Variants in EML1 observed in about 807,000 individuals in gnomAD.
EML1 encodes the protein EMAP like 1.
EML1 carries 27 observed loss-of-function variants against 110.4 expected under a neutral mutation model. The ratio of observed to expected loss-of-function variants is 0.24; its 90% CI spans 0.18 to 0.34. The LOEUF (loss-of-function observed/expected upper bound fraction) is 0.34, where lower values mean the gene tolerates loss of function less well. EML1 is among the 10% of genes least tolerant of loss of function. EML1 has a pLI of 1.00. For synonymous variants in EML1, 344 were observed against 385.8 expected, an observed-to-expected ratio of 0.89 and a Z score of 1.27; for missense variants, 741 against 1,030.9, an observed-to-expected ratio of 0.72 and a Z score of 3.85.
chr14:99,803,868 T>C (rs2057925198), intron 1 of EML1, among the ~76,000 whole-genome samples: 1 of 152,240 alleles, frequency 6.6e-6, no homozygotes. Context: ...CTGTGCACTT[T>C]AGCCCCAGCT....
At chr14:99,847,490 C>T (rs533683465) in intron 1 of EML1, among the ~76,000 whole-genome samples, 5 of 152,314 alleles carry the variant, frequency 3.3e-5, no homozygotes, top group African/African-American at 1.2e-4. Flanking sequence ...GCTAGGACTA[C>T]AGGCATATGC....
Position 99,896,999 on chromosome 14 carries a change from T to C in EML1, c.678-146T>C, listed in dbSNP as rs17652784. 344,806 of 644,632 alleles carry C rather than the reference T, an allele frequency of 0.53. 95,529 individuals carry two copies. The highest frequency in any genetic ancestry group is 0.79 in the African/African-American group (41,715 of 52,900). The allele number at this position is 644,632 out of a possible 1,614,324, so 39.9% of individuals were successfully genotyped here. On this transcript the variant is annotated intron_variant, in intron 6 of 21. Coordinates refer to ENST00000262233, the MANE Select transcript of EML1 (RefSeq NM_004434.3). ...TTTTGGGGGTCACATGTATTTGTCATGGAATATTTGCAATTTAATGTTGTT... is the reference window on the plus strand; with the variant it reads ...TTTTGGGGGTCACATGTATTTGTCACGGAATATTTGCAATTTAATGTTGTT...
At chr14:99,885,629 C>T (rs2059460125) in intron 4 of EML1, among the ~76,000 whole-genome samples, 1 of 152,182 alleles carries the variant, frequency 6.6e-6, no homozygotes, top group African/African-American at 2.4e-5. Flanking sequence ...AAATGTTTCA[C>T]TCTTCAAGCC....
upstream of EML1, among the ~76,000 whole-genome samples, chr14:99,770,871 G>A (rs537388898): frequency 6.5e-3 from 884 of 136,792 alleles, 5 homozygotes; most frequent in African/African-American, 0.023. Context: ...TGCAAGCTCC[G>A]CCTCCCGGGT....
chr14:99,778,918 C>A (rs1392699810), intron 1 of EML1, among the ~76,000 whole-genome samples: 2 of 152,034 alleles, frequency 1.3e-5, no homozygotes, highest in Non-Finnish European at 2.9e-5. Context: ...TTTTCCTATC[C>A]CCAGTGTTCT....
intron 4 of EML1, among the ~76,000 whole-genome samples, chr14:99,887,565 A>T (rs1241697313): frequency 6.6e-6 from 1 of 151,992 alleles, no homozygotes; most frequent in Non-Finnish European, 1.5e-5. Context: ...ATGGAGCCAC[A>T]CCCCAGCTGC....
intron 1 of EML1, among the ~76,000 whole-genome samples, chr14:99,759,935 C>T (rs921745766): frequency 7.2e-5 from 11 of 151,990 alleles, no homozygotes; most frequent in East Asian, 5.8e-4. Context: ...GATGAAACCC[C>T]GTCTCTACTA....
intron 17 of EML1, among the ~76,000 whole-genome samples, chr14:99,927,732 C>T (rs749320350): frequency 8.4e-6 from 1 of 119,618 alleles, no homozygotes; most frequent in Non-Finnish European, 1.7e-5. Flanking sequence ...TTGCTTTCTG[C>T]TCCTCTAACA....
At chr14:99,864,157 C>T (rs1428025728) in intron 2 of EML1, among the ~76,000 whole-genome samples, 1 of 152,184 alleles carries the variant, frequency 6.6e-6, no homozygotes, top group African/African-American at 2.4e-5. Context: ...AGTGTCTTTT[C>T]AGATCTTTTG....
At chr14:99,908,183 G>A (rs1288322465) in intron 10 of EML1, among the ~76,000 whole-genome samples, 4 of 152,246 alleles carry the variant, frequency 2.6e-5, no homozygotes, top group Admixed American at 6.5e-5. Flanking sequence ...CTCCAAAGTG[G>A]CACAGACTCA....
chr14:99,911,758 A>G (rs895900857), intron 13 of EML1, among the ~76,000 whole-genome samples, 182 bp downstream of exon 13: 1 of 152,232 alleles, frequency 6.6e-6, no homozygotes, highest in African/African-American at 2.4e-5. Flanking sequence ...AAATAGAATT[A>G]GGTTTATAAA....
chr14:99,867,322 T>C (rs2059119157), intron 3 of EML1, among the ~76,000 whole-genome samples: 1 of 152,198 alleles, frequency 6.6e-6, no homozygotes, highest in South Asian at 2.1e-4. Flanking sequence ...TCCCTTGATA[T>C]TCCATATGAA....
Position 99,936,912 on chromosome 14 carries a change from G to A in EML1, c.2095+578G>A, listed in dbSNP as rs981539826. Among the ~76,000 whole-genome samples the A allele has an allele frequency of 6.6e-6, 1 of 152,204 alleles. No individual in the cohort carries two copies. The highest frequency in any genetic ancestry group is 2.4e-5 in the African/African-American group (1 of 41,448). On this transcript the variant is annotated intron_variant, in intron 19 of 21. Coordinates refer to ENST00000262233, the MANE Select transcript of EML1 (RefSeq NM_004434.3). This position sits in a 1 kb window ranked among gnomAD's most constrained non-coding sequence, Gnocchi z 5.5. Reference sequence around the variant, plus strand: ...TAGACACCCACCAGGCACCTGCCACGTGCCCCACTCTGGGCCACGCAGGGC... The same window carrying A: ...TAGACACCCACCAGGCACCTGCCACATGCCCCACTCTGGGCCACGCAGGGC...
chr14:99,891,176 CT>C, intron 4 of EML1, 22 bp from the exon 5 acceptor site: 1 of 1,614,102 alleles, frequency 6.2e-7, no homozygotes, highest in Non-Finnish European at 8.5e-7. Flanking sequence ...CCTTTAAAAA[CT>C]GTTTTTCGTT....
intron 3 of EML1, among the ~76,000 whole-genome samples, chr14:99,875,157 T>C (rs1287692929): frequency 6.6e-6 from 1 of 152,224 alleles, no homozygotes; most frequent in Non-Finnish European, 1.5e-5. Context: ...GATGCTCAAC[T>C]GGTCCTCCAA....
chr14:99,763,650 T>A (rs927464), intron 1 of EML1, among the ~76,000 whole-genome samples: 145,618 of 152,256 alleles, frequency 0.96, 69,760 homozygotes, highest in East Asian at 1. Flanking sequence ...GCTTGTGGTC[T>A]TCGTGTTATT....
At chr14:99,822,199 T>A (rs529417904) in intron 1 of EML1, among the ~76,000 whole-genome samples, 1 of 152,206 alleles carries the variant, frequency 6.6e-6, no homozygotes, top group Non-Finnish European at 1.5e-5. Context: ...CTAGGACATA[T>A]GTTTTTTTTT....
intron 1 of EML1, among the ~76,000 whole-genome samples, chr14:99,742,831 A>G (rs576871638): frequency 1.1e-3 from 165 of 152,202 alleles, no homozygotes; most frequent in African/African-American, 3.8e-3. Context: ...CAGGGGTGTC[A>G]TGGGTATTGG....
intron 8 of EML1, among the ~76,000 whole-genome samples, chr14:99,898,551 G>C (rs1047007990): frequency 6.6e-6 from 1 of 152,146 alleles, no homozygotes; most frequent in Non-Finnish European, 1.5e-5. Context: ...TCAGAAGTTT[G>C]AGACCAGCCT....
Sources: gnomAD v4.1 joint callset for allele counts (sites outside exome capture counted in the v4.1 genomes callset) on GRCh38, gnomAD v4.1.1 for gene constraint, Gnocchi (gnomAD v3.1) non-coding constraint, MANE v1.5 for transcripts, NCBI Gene and HGNC (gene_info 2026-07-23, HGNC 2026-07-21) for gene names.